UBE3C: variants seen among roughly 807,000 people sequenced by gnomAD.
The protein encoded by UBE3C is ubiquitin protein ligase E3C.
Under a neutral mutation model 129.4 loss-of-function variants are expected in UBE3C, and 42 were observed. That is an observed-to-expected ratio of 0.32 (90% CI 0.25 to 0.42). UBE3C has a LOEUF of 0.42. Among genes scored for constraint, UBE3C ranks in the 10% least tolerant of loss-of-function variants. The pLI, the probability that UBE3C is intolerant of heterozygous loss-of-function variation, is 1.00. For missense variants in UBE3C, 1,049 were observed against 1,319.1 expected (o/e 0.80, Z 3.17); for synonymous variants, 510 against 492.4 (o/e 1.04, Z -0.47).
chr7:157,144,621 A>G (rs1309554636), intron 1 of UBE3C, among the ~76,000 whole-genome samples: 1 of 152,164 alleles, frequency 6.6e-6, no homozygotes, highest in Non-Finnish European at 1.5e-5. Context: ...AAATTTTTTA[A>G]GTTTTTGTAG....
At chr7:157,210,545 A>T (rs1809562796) in intron 13 of UBE3C, among the ~76,000 whole-genome samples, 1 of 152,244 alleles carries the variant, frequency 6.6e-6, no homozygotes, top group Admixed American at 6.5e-5. Flanking sequence ...TGTGAGAAAG[A>T]TACTATAATT....
chr7:157,139,477 C>A, intron 1 of UBE3C, 139 bp downstream of exon 1: 1 of 747,250 alleles, frequency 1.3e-6, no homozygotes, highest in South Asian at 3.2e-5. Context: ...GGCGGGGACT[C>A]GGGGCTTCCT....
Position 157,139,355 on chromosome 7 carries a change from C to T in UBE3C, c.66+17C>T. On this transcript the variant is annotated intron_variant, in intron 1 of 22. Transcript: ENST00000348165. ...AGCAGGAAGGTGAGGGCCGGGCTGG[C>T]GGGGCGCCCTCGGCTCGGGGCCTGC... The T allele has an allele frequency of 1.3e-6, 2 of 1,563,040 alleles. No individual in the cohort carries two copies. The highest frequency in any genetic ancestry group is 1.4e-5 in the African/African-American group (1 of 71,732).
intron 11 of UBE3C, among the ~76,000 whole-genome samples, chr7:157,204,905 G>C (rs1388117460): frequency 6.6e-6 from 1 of 152,212 alleles, no homozygotes; most frequent in African/African-American, 2.4e-5. Flanking sequence ...AAGGGTGGGG[G>C]ACATTGGACG....
intron 22 of UBE3C, among the ~76,000 whole-genome samples, chr7:157,257,950 T>C (rs1369778599): frequency 6.6e-6 from 1 of 150,434 alleles, no homozygotes; most frequent in Non-Finnish European, 1.5e-5. Flanking sequence ...TTTTTTCTTT[T>C]TTTTTTTTTT....
In UBE3C at chr7:157,235,299, G is replaced by C. The variant is rs537972385; in HGVS notation, c.2481+3972G>C. 7.9e-5 allele frequency among the ~76,000 whole-genome samples: 12 copies of C among 152,274 alleles called. No homozygotes were observed. The South Asian group carries it at 2.5e-3, about 32-fold the overall frequency. On this transcript the variant is annotated intron_variant, in intron 18 of 22. Transcript: ENST00000348165. ...ACTTAATATATATGTGAAAATAAAG[G>C]TGAGTGTTCTGCTAGACTAACCTGA...
chr7:157,253,711 G>A (rs151335042), intron 19 of UBE3C, among the ~76,000 whole-genome samples: 87 of 152,224 alleles, frequency 5.7e-4, no homozygotes, highest in African/African-American at 1.9e-3. Context: ...CTAGTGCTTC[G>A]GAGGAAACAT....
At chr7:157,178,222 A>G (rs1808575549) in intron 5 of UBE3C, among the ~76,000 whole-genome samples, 1 of 152,142 alleles carries the variant, frequency 6.6e-6, no homozygotes, top group African/African-American at 2.4e-5. Flanking sequence ...CCTCAGTCAA[A>G]ATGAGAGTTG....
At position 157,264,398 on chromosome 7, in the gene UBE3C, C is replaced by A. The variant is rs560240627; in HGVS notation, c.3082-3187C>A. On this transcript the variant is annotated intron_variant, in intron 22 of 22. Coordinates refer to ENST00000348165, the MANE Select transcript of UBE3C (RefSeq NM_014671.3). ...TACTACAGGTGTGAGTCAACATGCT[C>A]GGCCTGTTACACACACACACACACA... Among the ~76,000 whole-genome samples, 4 of 106,464 alleles carry A rather than the reference C, an allele frequency of 3.8e-5. No individual in the cohort carries two copies. The South Asian group carries it at 1.4e-3, about 38-fold the overall frequency. The allele number at this position is 106,464 out of a possible 152,430, so 69.8% of individuals were successfully genotyped here.
chr7:157,212,382 G>A (rs1430026912), intron 13 of UBE3C, among the ~76,000 whole-genome samples: 2 of 152,030 alleles, frequency 1.3e-5, no homozygotes, highest in Admixed American at 6.5e-5. Flanking sequence ...CTAAATATCC[G>A]TCATCTCCAT....
chr7:157,175,081 C>A (rs771218878), intron 5 of UBE3C, 47 bp downstream of exon 5: 19 of 1,342,434 alleles, frequency 1.4e-5, no homozygotes, highest in Non-Finnish European at 1.8e-5. Context: ...TATTGATCAC[C>A]TTGTCTAGGG....
chr7:157,144,168 C>T (rs896886462), intron 1 of UBE3C, among the ~76,000 whole-genome samples: 2 of 152,214 alleles, frequency 1.3e-5, no homozygotes, highest in African/African-American at 4.8e-5. Flanking sequence ...TGCTGTGGCG[C>T]ACGCCTACAA....
chr7:157,184,432 A>T (rs1808753878), intron 9 of UBE3C, among the ~76,000 whole-genome samples: 1 of 152,178 alleles, frequency 6.6e-6, no homozygotes, highest in Admixed American at 6.5e-5. Flanking sequence ...TATTTACTTA[A>T]AAATTACTTT....
chr7:157,256,035 G>T (rs1796743156), intron 21 of UBE3C, among the ~76,000 whole-genome samples: 1 of 152,162 alleles, frequency 6.6e-6, no homozygotes, highest in African/African-American at 2.4e-5. Context: ...TTCAGCGGCG[G>T]CTTTGAACTG....
At chr7:157,154,097 G>T (rs1463090426) in intron 1 of UBE3C, among the ~76,000 whole-genome samples, 2 of 151,974 alleles carry the variant, frequency 1.3e-5, no homozygotes, top group Non-Finnish European at 2.9e-5. Flanking sequence ...GCCGAGGTGG[G>T]TGGATCACGA....
chr7:157,264,822 G>C (rs1027393801), intron 22 of UBE3C, among the ~76,000 whole-genome samples: 4 of 152,158 alleles, frequency 2.6e-5, no homozygotes, highest in African/African-American at 9.7e-5. Context: ...TCCACCCGTT[G>C]TGGCCTCCCA....
intron 5 of UBE3C, among the ~76,000 whole-genome samples, chr7:157,177,929 GTTTTTT>G: frequency 7.1e-6 from 1 of 140,994 alleles, no homozygotes; most frequent in East Asian, 2.1e-4. Flanking sequence ...GATGGATTCT[GTTTTTT>G]TTTTTTTTTA....
At chr7:157,205,617 C>T (rs911239247) in intron 11 of UBE3C, among the ~76,000 whole-genome samples, 1 of 152,280 alleles carries the variant, frequency 6.6e-6, no homozygotes, top group Middle Eastern at 3.4e-3. Flanking sequence ...CTGGCTTTGG[C>T]AATGAGGTAG....
intron 22 of UBE3C, among the ~76,000 whole-genome samples, chr7:157,257,961 T>A (rs78465153): frequency 6.8e-6 from 1 of 146,578 alleles, no homozygotes; most frequent in Non-Finnish European, 1.5e-5. Context: ...TTTTTTTTTT[T>A]AAGTAAGATG....
Sources: allele counts gnomAD v4.1 joint callset (sites outside exome capture counted in the v4.1 genomes callset), GRCh38; gene constraint gnomAD v4.1.1; transcripts MANE v1.5; gene names NCBI Gene and HGNC (gene_info 2026-07-23, HGNC 2026-07-21).